Variants in PTPRT observed in about 807,000 individuals in gnomAD.
The protein encoded by PTPRT is protein tyrosine phosphatase receptor type T, also known as receptor-type tyrosine-protein phosphatase T.
A neutral mutation model predicts 176.8 loss-of-function variants in PTPRT; 56 were observed. The observed-to-expected ratio is 0.32, with a 90% CI of 0.26 to 0.40. The LOEUF (loss-of-function observed/expected upper bound fraction) is 0.40. PTPRT is among the 10% of genes least tolerant of loss of function. The pLI, the probability that PTPRT is intolerant of heterozygous loss-of-function variation, is 1.00. For missense variants in PTPRT, 1,540 were observed against 1,908.2 expected, an observed-to-expected ratio of 0.81 and a Z score of 3.60; for synonymous variants, 783 against 739.0, an observed-to-expected ratio of 1.06 and a Z score of -0.96.
At chr20:42,891,961 C>G (rs1362156435) in intron 1 of PTPRT, among the ~76,000 whole-genome samples, 2 of 152,276 alleles carry the variant, frequency 1.3e-5, no homozygotes, top group Non-Finnish European at 2.9e-5. Context: ...AGTTCTACCA[C>G]TGCAGTGCAA....
rs112389217 is a variant in PTPRT at position 42,585,255 on chromosome 20, G to A, written c.1153+92611C>T. On this transcript the variant is annotated intron_variant, in intron 7 of 30. Coordinates refer to ENST00000373187, the MANE Select transcript of PTPRT (RefSeq NM_007050.6). ...AGAGTCTAGGATATAAGAGATACAT[G>A]ATAAATATTTGTAGAAAGAATGAAT... is the stretch of plus-strand genomic sequence containing the variant. Among the ~76,000 whole-genome samples the A allele has an allele frequency of 2.0e-3, 305 of 152,236 alleles. 2 individuals are homozygous for A. Among genetic ancestry groups the A allele is most frequent in the African/African-American group, 7.2e-3 (299 of 41,542 alleles).
chr20:42,348,476 G>C (rs775907151), intron 11 of PTPRT, among the ~76,000 whole-genome samples: 12 of 152,012 alleles, frequency 7.9e-5, no homozygotes, highest in Non-Finnish European at 1.5e-4. Flanking sequence ...ATAGTAAAAT[G>C]AGTGTTGGCT....
At position 42,355,300 on chromosome 20, in the gene PTPRT, G is replaced by A. The variant is rs376921573; in HGVS notation, c.1561-3015C>T. On this transcript the variant is annotated intron_variant, in intron 9 of 30. Transcript: ENST00000373187. ...GCAGCTGGTTTGAAAACACAGTGATGATTGGCTACTTTCCTTTCTCTTCCC... is the reference window on the plus strand; with the variant it reads ...GCAGCTGGTTTGAAAACACAGTGATAATTGGCTACTTTCCTTTCTCTTCCC... Among the ~76,000 whole-genome samples, 7 of 152,266 alleles carry A rather than the reference G, an allele frequency of 4.6e-5. No homozygotes were observed. In the East Asian group the frequency reaches 7.7e-4, roughly 17 times the overall value.
At chr20:42,630,634 ACTT>A (rs1168648726) in intron 7 of PTPRT, among the ~76,000 whole-genome samples, 1 of 152,160 alleles carries the variant, frequency 6.6e-6, no homozygotes, top group African/African-American at 2.4e-5. Context: ...TAATTTCAAA[ACTT>A]AATTCATCCA....
chr20:42,248,048 C>T (rs73909244), intron 14 of PTPRT, among the ~76,000 whole-genome samples: 7,438 of 152,218 alleles, frequency 0.049, 637 homozygotes, highest in African/African-American at 0.17. Context: ...GGAGAAAACA[C>T]ACAGTATGAG....
intron 16 of PTPRT, among the ~76,000 whole-genome samples, chr20:42,174,884 G>A (rs1268251674): frequency 6.6e-6 from 1 of 152,178 alleles, no homozygotes; most frequent in Admixed American, 6.5e-5. Context: ...GATAGAAAGA[G>A]AAAATCAAGC....
intron 1 of PTPRT, among the ~76,000 whole-genome samples, chr20:43,107,650 A>G (rs1265109425): frequency 6.6e-6 from 1 of 152,240 alleles, no homozygotes; most frequent in Non-Finnish European, 1.5e-5. Context: ...TATCGCAATT[A>G]CACAGTGCCA....
intron 15 of PTPRT, among the ~76,000 whole-genome samples, chr20:42,230,267 G>A (rs545032265): frequency 1.3e-5 from 2 of 152,282 alleles, no homozygotes; most frequent in South Asian, 2.1e-4. Context: ...TTTCTGCCTC[G>A]GAGACATCTG....
chr20:42,523,206 T>C (rs148341437), intron 7 of PTPRT, among the ~76,000 whole-genome samples: 3 of 152,302 alleles, frequency 2.0e-5, no homozygotes, highest in Non-Finnish European at 4.4e-5. Context: ...CTGTTAGTTA[T>C]GTGTGACTCT....
intron 7 of PTPRT, among the ~76,000 whole-genome samples, chr20:42,513,201 G>GGTGT (rs58268839): frequency 0.036 from 5,156 of 144,602 alleles, 105 homozygotes; most frequent in South Asian, 0.093. Flanking sequence ...CTATTGATGG[G>GGTGT]GTGTGTGTGT....
At chr20:43,075,214 A>G (rs1253995820) in intron 1 of PTPRT, among the ~76,000 whole-genome samples, 1 of 152,208 alleles carries the variant, frequency 6.6e-6, no homozygotes, top group East Asian at 1.9e-4. Flanking sequence ...TTTCTCACGA[A>G]AGTGTTGAGC....
chr20:42,755,314 G>C (rs1323591804), intron 6 of PTPRT, among the ~76,000 whole-genome samples: 1 of 152,126 alleles, frequency 6.6e-6, no homozygotes, highest in Non-Finnish European at 1.5e-5. Context: ...TGAGGTCAAA[G>C]TTTCCACACC....
At chr20:43,031,194 C>T (rs141642910) in intron 1 of PTPRT, among the ~76,000 whole-genome samples, 190 of 152,212 alleles carry the variant, frequency 1.2e-3, no homozygotes, top group Admixed American at 2.3e-3. Context: ...ACCTCCTTTC[C>T]ACAGAAGGAC....
chr20:42,573,751 T>TTTTTC (rs2073204255), intron 7 of PTPRT, among the ~76,000 whole-genome samples: 1 of 135,680 alleles, frequency 7.4e-6, no homozygotes, highest in Non-Finnish European at 1.6e-5. Context: ...CTTTCTTTCT[T>TTTTTC]TTTTTTTTTT....
Position 42,096,600 on chromosome 20 carries a change from T to TAA in PTPRT, c.3846+1819_3846+1820dup, listed in dbSNP as rs142413813. 6.9e-3 allele frequency among the ~76,000 whole-genome samples: 1,028 copies of TAA among 148,344 alleles called. 16 individuals are homozygous for TAA. Among genetic ancestry groups the TAA allele is most frequent in the African/African-American group, 0.024 (978 of 40,620 alleles). On this transcript the variant is annotated intron_variant, in intron 27 of 30. Transcript: ENST00000373187. Reference sequence around the variant, plus strand: ...GTCGGGATGACACAGTAAGAGTCAGTAAAAAAAAAATGGGTTCTTGCACTG... The same window carrying TAA: ...GTCGGGATGACACAGTAAGAGTCAGTAAAAAAAAAAAATGGGTTCTTGCACTG...
At chr20:43,003,535 T>C (rs1028491012) in intron 1 of PTPRT, among the ~76,000 whole-genome samples, 2 of 152,206 alleles carry the variant, frequency 1.3e-5, no homozygotes, top group African/African-American at 4.8e-5. Context: ...AGAACCTTGC[T>C]ACACAAAATG....
chr20:42,790,424 G>C (rs897914646), intron 3 of PTPRT, among the ~76,000 whole-genome samples: 12 of 151,344 alleles, frequency 7.9e-5, no homozygotes, highest in Admixed American at 7.9e-4. Flanking sequence ...TTTTACCATG[G>C]TTTATAAGAG....
At chr20:42,696,628 T>G in intron 6 of PTPRT, among the ~76,000 whole-genome samples, 1 of 151,966 alleles carries the variant, frequency 6.6e-6, no homozygotes, top group African/African-American at 2.4e-5. Context: ...GCTAATTTTT[T>G]GTATTTTTTG....
At chr20:42,640,475 A>C (rs2074717287) in intron 7 of PTPRT, among the ~76,000 whole-genome samples, 1 of 152,060 alleles carries the variant, frequency 6.6e-6, no homozygotes, top group Non-Finnish European at 1.5e-5. Context: ...GGCTCACTGC[A>C]ACCTTTGGAT....
Sources: gnomAD v4.1 joint callset for allele counts (sites outside exome capture counted in the v4.1 genomes callset) on GRCh38, gnomAD v4.1.1 for gene constraint, MANE v1.5 for transcripts, NCBI Gene and HGNC (gene_info 2026-07-23, HGNC 2026-07-21) for gene names.